SLC2A13: variants seen among roughly 807,000 people sequenced by gnomAD.
The protein encoded by SLC2A13 is solute carrier family 2 member 13, also known as proton myo-inositol cotransporter.
SLC2A13 carries 32 observed loss-of-function variants against 64.4 expected under a neutral mutation model. That is an observed-to-expected ratio of 0.50 (90% CI 0.37 to 0.67). SLC2A13 has a LOEUF of 0.67. Among genes scored for constraint, SLC2A13 ranks in the 30% least tolerant of loss-of-function variants. The pLI is 0.00. For missense variants in SLC2A13, 743 were observed against 829.2 expected (o/e 0.90, Z 1.28); for synonymous variants, 338 against 327.1 (o/e 1.03, Z -0.36).
chr12:40,074,032 T>C (rs1938068235), intron 1 of SLC2A13, among the ~76,000 whole-genome samples: 1 of 152,094 alleles, frequency 6.6e-6, no homozygotes, highest in South Asian at 2.1e-4. Context: ...ATGGTTCTGA[T>C]ATTCCGTTAT....
intron 3 of SLC2A13, among the ~76,000 whole-genome samples, chr12:39,977,669 GAC>G (rs1200520141): frequency 7.2e-5 from 11 of 152,292 alleles, no homozygotes; most frequent in African/African-American, 2.6e-4. Flanking sequence ...CAGAGCCAGT[GAC>G]ACACTCCGAA....
At chr12:39,902,056 A>G (rs1027357313) in intron 4 of SLC2A13, among the ~76,000 whole-genome samples, 2 of 152,014 alleles carry the variant, frequency 1.3e-5, no homozygotes, top group African/African-American at 4.8e-5. Flanking sequence ...CATGGATGAA[A>G]TTGGAAACCA....
At chr12:39,763,730 C>T (rs774593904) in intron 9 of SLC2A13, among the ~76,000 whole-genome samples, 2 of 152,096 alleles carry the variant, frequency 1.3e-5, no homozygotes, top group African/African-American at 4.8e-5. Context: ...CCTCATACTT[C>T]ATCATGAATA....
intron 7 of SLC2A13, among the ~76,000 whole-genome samples, chr12:39,776,733 T>C (rs1940793619): frequency 1.2e-4 from 1 of 8,262 alleles, no homozygotes; most frequent in South Asian, 4.0e-3. Flanking sequence ...TTGAGACATT[T>C]TTCTTTCTTT....
intron 4 of SLC2A13, among the ~76,000 whole-genome samples, chr12:39,928,325 T>C (rs1945762187): frequency 6.6e-6 from 1 of 152,164 alleles, no homozygotes; most frequent in South Asian, 2.1e-4. Flanking sequence ...AAGTAAATCC[T>C]GTTCCTTCTA....
chr12:39,812,630 G>A (rs555262407), intron 7 of SLC2A13, among the ~76,000 whole-genome samples: 12 of 151,682 alleles, frequency 7.9e-5, no homozygotes, highest in South Asian at 2.1e-4. Flanking sequence ...CCACGGCTAC[G>A]CCCGGCTGAT....
chr12:39,980,745 A>G (rs367556046), intron 3 of SLC2A13, among the ~76,000 whole-genome samples: 4 of 152,200 alleles, frequency 2.6e-5, no homozygotes, highest in African/African-American at 7.2e-5. Flanking sequence ...ACACCCCACT[A>G]TCAACATTAG....
chr12:39,865,599 T>C (rs1943886813), intron 5 of SLC2A13, among the ~76,000 whole-genome samples: 1 of 152,200 alleles, frequency 6.6e-6, no homozygotes, highest in Non-Finnish European at 1.5e-5. Context: ...ATTTTTCAAG[T>C]TTCTGACTAT....
At chr12:40,081,491 T>TCTGA (rs1402544230) in intron 1 of SLC2A13, among the ~76,000 whole-genome samples, 5 of 152,194 alleles carry the variant, frequency 3.3e-5, no homozygotes, top group Non-Finnish European at 5.9e-5. Context: ...CTTTAATACT[T>TCTGA]CTGACTGTAT....
In SLC2A13 at chr12:39,770,596, G is replaced by A. The variant is rs183789109; in HGVS notation, c.1446-5738C>T. On this transcript the variant is annotated intron_variant, in intron 7 of 9. Coordinates refer to ENST00000280871, the MANE Select transcript of SLC2A13 (RefSeq NM_052885.4). The stretch of plus-strand genomic sequence containing the variant: ...GATCGGGGAAAGAACTGTATCATGG[G>A]CTGTTGGGAACATTAAATATTCCCA... Among the ~76,000 whole-genome samples, 30 of 152,254 alleles carry A rather than the reference G, an allele frequency of 2.0e-4. No homozygotes were observed. The East Asian group carries it at 5.8e-3, about 29-fold the overall frequency.
chr12:39,804,519 T>G (rs530905534), intron 7 of SLC2A13, among the ~76,000 whole-genome samples: 1 of 152,308 alleles, frequency 6.6e-6, no homozygotes, highest in East Asian at 1.9e-4. Context: ...ATTAAATAGC[T>G]TTGGTATTCC....
At chr12:39,838,696 G>A (rs1472463350) in intron 6 of SLC2A13, among the ~76,000 whole-genome samples, 2 of 151,964 alleles carry the variant, frequency 1.3e-5, no homozygotes, top group African/African-American at 4.8e-5. Context: ...TCAATCAATC[G>A]TTTATATGTT....
At chr12:39,929,499 C>T (rs1323466929) in intron 4 of SLC2A13, among the ~76,000 whole-genome samples, 2 of 150,102 alleles carry the variant, frequency 1.3e-5, no homozygotes, top group Non-Finnish European at 3.0e-5. Context: ...TGCAGTGAGC[C>T]GAGATCGAGC....
chr12:40,074,325 T>C (rs1052513070), intron 1 of SLC2A13, among the ~76,000 whole-genome samples: 1 of 151,764 alleles, frequency 6.6e-6, no homozygotes, highest in Non-Finnish European at 1.5e-5. Context: ...ACCACCTATG[T>C]CCAGCTATTT....
intron 1 of SLC2A13, among the ~76,000 whole-genome samples, chr12:40,071,698 T>C (rs973488118): frequency 6.6e-6 from 1 of 152,178 alleles, no homozygotes; most frequent in African/African-American, 2.4e-5. Context: ...CCATTTCATC[T>C]AGGTTATCAA....
chr12:40,019,924 T>C (rs1275695006), intron 3 of SLC2A13, among the ~76,000 whole-genome samples: 2 of 152,176 alleles, frequency 1.3e-5, no homozygotes, highest in Non-Finnish European at 2.9e-5. Flanking sequence ...ACCTCCTTAT[T>C]GAAGGCTCAA....
At chr12:39,873,898 TC>T (rs1300902662) in intron 4 of SLC2A13, among the ~76,000 whole-genome samples, 3 of 152,202 alleles carry the variant, frequency 2.0e-5, no homozygotes, top group African/African-American at 7.2e-5. Flanking sequence ...GTGTCTTCTG[TC>T]CAGGTTAGGT....
At chr12:39,984,470 CA>C (rs1946991093) in intron 3 of SLC2A13, among the ~76,000 whole-genome samples, 2 of 151,902 alleles carry the variant, frequency 1.3e-5, no homozygotes, top group South Asian at 4.1e-4. Context: ...TGTTTTTACC[CA>C]ATTTAAGTGT....
chr12:39,896,444 GTATATGTGTGTATATATGTATACATA>G (rs1565528467), intron 4 of SLC2A13, among the ~76,000 whole-genome samples: 1 of 139,568 alleles, frequency 7.2e-6, no homozygotes, highest in African/African-American at 2.7e-5. Context: ...ATACATATAT[GTATATGTGTGTATATATGTATACATA>G]TATGTATATG....
Sources: allele counts gnomAD v4.1 joint callset (sites outside exome capture counted in the v4.1 genomes callset), GRCh38; gene constraint gnomAD v4.1.1; transcripts MANE v1.5; gene names NCBI Gene and HGNC (gene_info 2026-07-23, HGNC 2026-07-21).